HMGCLL1: variants seen among roughly 807,000 people sequenced by gnomAD.
The protein encoded by HMGCLL1 is 3-hydroxymethyl-3-methylglutaryl-CoA lyase, cytoplasmic.
Under a neutral mutation model 39.1 loss-of-function variants are expected in HMGCLL1, and 36 were observed. The ratio of observed to expected loss-of-function variants is 0.92; its 90% CI spans 0.71 to 1.22. The LOEUF (loss-of-function observed/expected upper bound fraction) is 1.22. HMGCLL1 is among the 50% of genes most tolerant of loss of function. HMGCLL1 has a pLI of 0.00. For missense variants in HMGCLL1, 451 were observed against 416.5 expected (o/e 1.08, Z -0.72); for synonymous variants, 149 against 144.0 (o/e 1.03, Z -0.25).
At chr6:55,657,191 C>A in the HMGCLL1 span, among the ~76,000 whole-genome samples, 7 of 151,956 alleles carry the variant, frequency 4.6e-5, no homozygotes, top group Non-Finnish European at 8.8e-5. Flanking sequence ...TGTGCAGAAG[C>A]GCTTTAGTTT....
chr6:55,609,077 T>A, the HMGCLL1 span, among the ~76,000 whole-genome samples: 1 of 152,170 alleles, frequency 6.6e-6, no homozygotes, highest in African/African-American at 2.4e-5. Flanking sequence ...AAGATCCCAT[T>A]GGTGAGCCCA....
At chr6:55,454,271 G>A (rs1480385782) in intron 7 of HMGCLL1, among the ~76,000 whole-genome samples, 1 of 152,098 alleles carries the variant, frequency 6.6e-6, no homozygotes, top group Non-Finnish European at 1.5e-5. Flanking sequence ...AGGGGTGGGG[G>A]CAGGGATAAT....
At chr6:55,440,679 A>G (rs533409294) in intron 7 of HMGCLL1, among the ~76,000 whole-genome samples, 1 of 152,208 alleles carries the variant, frequency 6.6e-6, no homozygotes, top group Admixed American at 6.6e-5. Context: ...AATGAGAAGC[A>G]CCTGGAAGCA....
At chr6:55,593,595 C>A in the HMGCLL1 span, among the ~76,000 whole-genome samples, 1 of 151,976 alleles carries the variant, frequency 6.6e-6, no homozygotes. Context: ...TTGTTTTAAA[C>A]GTTGTTTTAA....
the HMGCLL1 span, among the ~76,000 whole-genome samples, chr6:55,636,387 A>T: frequency 6.6e-6 from 1 of 152,136 alleles, no homozygotes; most frequent in Non-Finnish European, 1.5e-5. Context: ...ATGTACAGTA[A>T]CTTGTTCTCA....
At chr6:55,465,693 G>A (rs1261526517) in intron 7 of HMGCLL1, among the ~76,000 whole-genome samples, 1 of 151,752 alleles carries the variant, frequency 6.6e-6, no homozygotes, top group East Asian at 1.9e-4. Flanking sequence ...TTTTTTCTGT[G>A]TTCCTTAAGA....
chr6:55,462,351 C>T (rs1014744432), intron 7 of HMGCLL1, among the ~76,000 whole-genome samples: 4 of 152,036 alleles, frequency 2.6e-5, no homozygotes, highest in Admixed American at 1.3e-4. Context: ...ACCATGTATG[C>T]TCATGTCTTC....
intron 7 of HMGCLL1, among the ~76,000 whole-genome samples, chr6:55,490,068 G>C (rs754669769): frequency 7.2e-5 from 11 of 151,978 alleles, no homozygotes; most frequent in African/African-American, 2.7e-4. Flanking sequence ...CATATTCTCC[G>C]TCCTGTAATC....
chr6:55,668,530 T>C, the HMGCLL1 span, among the ~76,000 whole-genome samples: 2 of 151,914 alleles, frequency 1.3e-5, no homozygotes, highest in East Asian at 3.9e-4. Flanking sequence ...GCAGATTGAA[T>C]GTACTGGACT....
At chr6:55,559,866 C>A (rs1342473670) in intron 1 of HMGCLL1, among the ~76,000 whole-genome samples, 1 of 152,092 alleles carries the variant, frequency 6.6e-6, no homozygotes, top group East Asian at 1.9e-4. Flanking sequence ...TTTCCAGATG[C>A]TGAAATGTCT....
chr6:55,667,049 T>C, the HMGCLL1 span, among the ~76,000 whole-genome samples: 1 of 151,652 alleles, frequency 6.6e-6, no homozygotes, highest in East Asian at 1.9e-4. Flanking sequence ...TGAAGAGCAT[T>C]GTATCTTGTG....
chr6:55,563,900 C>T, intron 1 of HMGCLL1: 1 of 1,287,760 alleles, frequency 7.8e-7, no homozygotes, highest in Non-Finnish European at 1.0e-6. Flanking sequence ...GCATCAGCAT[C>T]ACAGACTGAA....
the HMGCLL1 span, among the ~76,000 whole-genome samples, chr6:55,631,013 G>C: frequency 1.3e-5 from 2 of 152,008 alleles, no homozygotes; most frequent in Non-Finnish European, 2.9e-5. Flanking sequence ...TTGAGAGTTT[G>C]ATTATTAAAT....
chr6:55,476,958 A>T (rs990778181), intron 7 of HMGCLL1, among the ~76,000 whole-genome samples: 1 of 112,176 alleles, frequency 8.9e-6, no homozygotes, highest in African/African-American at 2.8e-5. Context: ...AAATCAAATT[A>T]TGAATTCGCT....
At chr6:55,657,029 CT>C in the HMGCLL1 span, among the ~76,000 whole-genome samples, 25 of 151,944 alleles carry the variant, frequency 1.6e-4, no homozygotes, top group Middle Eastern at 6.8e-3. Context: ...ACTTTGCCCA[CT>C]TTTTTATGGG....
chr6:55,573,755 CAA>C (rs1771631607), intron 1 of HMGCLL1, among the ~76,000 whole-genome samples: 1 of 151,924 alleles, frequency 6.6e-6, no homozygotes, highest in Admixed American at 6.6e-5. Flanking sequence ...TAAAAGGAAA[CAA>C]GAAACAAACA....
the HMGCLL1 span, among the ~76,000 whole-genome samples, chr6:55,639,916 T>G: frequency 6.6e-6 from 1 of 150,906 alleles, no homozygotes; most frequent in African/African-American, 2.4e-5. Flanking sequence ...CCCTCTCTAC[T>G]AGAAAAAAAA....
chr6:55,611,709 T>C, the HMGCLL1 span, among the ~76,000 whole-genome samples: 5 of 152,182 alleles, frequency 3.3e-5, no homozygotes, highest in African/African-American at 1.2e-4. Context: ...AAAAACCACA[T>C]GCTTATCTCA....
At chr6:55,567,015 T>A (rs1293547445) in intron 1 of HMGCLL1, among the ~76,000 whole-genome samples, 1 of 152,126 alleles carries the variant, frequency 6.6e-6, no homozygotes, top group Non-Finnish European at 1.5e-5. Context: ...AGTGTTTATG[T>A]CCTTGGGATA....
Sources: gnomAD v4.1 joint callset for allele counts (sites outside exome capture counted in the v4.1 genomes callset) on GRCh38, gnomAD v4.1.1 for gene constraint, MANE v1.5 for transcripts, NCBI Gene and HGNC (gene_info 2026-07-23, HGNC 2026-07-21) for gene names.